The following KATNAL2 variants were observed in gnomAD, a reference collection of about 807,000 sequenced individuals.
KATNAL2 encodes the protein katanin catalytic subunit A1 like 2.
KATNAL2 carries 52 observed loss-of-function variants against 76.3 expected under a neutral mutation model. The observed-to-expected ratio is 0.68, with a 90% CI of 0.55 to 0.86. The LOEUF is 0.86. KATNAL2 is among the 40% of genes least tolerant of loss of function. The pLI is 0.00. For missense variants in KATNAL2, 660 were observed against 668.9 expected (o/e 0.99, Z 0.15); for synonymous variants, 243 against 244.2 (o/e 1.00, Z 0.05).
At chr18:47,057,819 CTGTTTCTTAGTTTGAA>C (rs2061513562) in intron 6 of KATNAL2, among the ~76,000 whole-genome samples, 1 of 152,206 alleles carries the variant, frequency 6.6e-6, no homozygotes, top group Non-Finnish European at 1.5e-5. Flanking sequence ...GGATTTCCTA[CTGTTTCTTAGTTTGAA>C]TGGGAGGACT....
At chr18:47,035,543 A>T in intron 3 of KATNAL2, 1 of 654,182 alleles carries the variant, frequency 1.5e-6, no homozygotes, top group East Asian at 2.9e-5. Flanking sequence ...TGCAACAAAG[A>T]ATGAAGCTCT....
At chr18:47,059,371 C>G (rs888773243) in intron 7 of KATNAL2, among the ~76,000 whole-genome samples, 185 bp from the exon 8 acceptor site, 3 of 152,248 alleles carry the variant, frequency 2.0e-5, no homozygotes, top group African/African-American at 7.2e-5. Flanking sequence ...ACTCTTTCCA[C>G]ATAGTGCAGG....
chr18:47,095,187 A>C (rs1339179658), intron 15 of KATNAL2, among the ~76,000 whole-genome samples: 1 of 152,128 alleles, frequency 6.6e-6, no homozygotes, highest in East Asian at 1.9e-4. Flanking sequence ...AAACTCTTTC[A>C]GTGGTGTTTA....
At chr18:47,033,630 G>T (rs2060601557) in intron 3 of KATNAL2, 1 of 1,614,156 alleles carries the variant, frequency 6.2e-7, no homozygotes, top group Non-Finnish European at 8.5e-7. Flanking sequence ...CTCCCACGTC[G>T]CTGAGGGCGT....
At chr18:46,961,420 C>A (rs1052710394) in intron 3 of KATNAL2, among the ~76,000 whole-genome samples, 1 of 152,114 alleles carries the variant, frequency 6.6e-6, no homozygotes, top group African/African-American at 2.4e-5. Flanking sequence ...AGAGTGACAG[C>A]GATTCATGTA....
At chr18:47,067,403 G>A (rs1041639349) in intron 11 of KATNAL2, among the ~76,000 whole-genome samples, 1 of 152,080 alleles carries the variant, frequency 6.6e-6, no homozygotes, top group Non-Finnish European at 1.5e-5. Flanking sequence ...ATTCAAATTA[G>A]CCTGCTCCCT....
At chr18:47,070,380 C>A (rs548961777) in intron 13 of KATNAL2, among the ~76,000 whole-genome samples, 2 of 152,172 alleles carry the variant, frequency 1.3e-5, no homozygotes, top group Non-Finnish European at 2.9e-5. Context: ...GGATTACAGG[C>A]CACCACGCCA....
chr18:47,049,068 C>G (rs1446669117), intron 4 of KATNAL2, among the ~76,000 whole-genome samples: 1 of 152,064 alleles, frequency 6.6e-6, no homozygotes, highest in Non-Finnish European at 1.5e-5. Context: ...CGTGATCCAC[C>G]CGCCTCGGCC....
chr18:47,099,424 G>C lies in KATNAL2; in HGVS notation c.1374+19G>C. ...GAGCCAGGTCAGCTGCCCTGGAGAGGGGCACATGTAGGTCAAGGGCCCACC... is the reference window on the plus strand; with the variant it reads ...GAGCCAGGTCAGCTGCCCTGGAGAGCGGCACATGTAGGTCAAGGGCCCACC... On this transcript the variant is annotated intron_variant, in intron 16 of 17. Coordinates refer to ENST00000683218, the MANE Select transcript of KATNAL2 (RefSeq NM_001387690.1). The C allele has an allele frequency of 6.3e-7, 1 of 1,595,102 alleles. No homozygotes were observed. Among genetic ancestry groups the C allele is most frequent in the South Asian group, 1.1e-5 (1 of 88,974 alleles).
chr18:46,935,508 C>T lies in KATNAL2; in HGVS notation c.-509-10549C>T, dbSNP rs572084298. On this transcript the variant is annotated intron_variant, in intron 1 of 17. Coordinates refer to ENST00000683218, the MANE Select transcript of KATNAL2 (RefSeq NM_001387690.1). ...TGGACTATATTGTCCAGGCTGGACT[C>T]GAACTCCTGAGCTCAAGCAAGACTT... is the stretch of plus-strand genomic sequence containing the variant. 3.4e-3 allele frequency among the ~76,000 whole-genome samples: 521 copies of T among 152,218 alleles called. 1 individual carries two copies. Among genetic ancestry groups the T allele is most frequent in the Middle Eastern group, 0.01 (3 of 294 alleles).
intron 3 of KATNAL2, among the ~76,000 whole-genome samples, chr18:47,037,719 C>T (rs184598228): frequency 1.9e-3 from 293 of 152,272 alleles, no homozygotes; most frequent in African/African-American, 5.6e-3. Context: ...TTAAAACTCT[C>T]TTTTCCTGCT....
chr18:47,038,402 A>G (rs1216977853), intron 3 of KATNAL2, among the ~76,000 whole-genome samples: 2 of 152,226 alleles, frequency 1.3e-5, no homozygotes, highest in Non-Finnish European at 2.9e-5. Context: ...TAGGGTTGCT[A>G]TGAAACTCAC....
At chr18:47,034,267 G>A (rs777566839) in intron 3 of KATNAL2, 4 of 1,613,962 alleles carry the variant, frequency 2.5e-6, no homozygotes, top group East Asian at 2.2e-5. Flanking sequence ...CTCCTCGGGC[G>A]ACAGGCCGTG....
intron 1 of KATNAL2, among the ~76,000 whole-genome samples, chr18:46,935,838 C>T (rs1384106692): frequency 6.6e-6 from 1 of 152,068 alleles, no homozygotes; most frequent in East Asian, 1.9e-4. Flanking sequence ...ATCACTTGAA[C>T]CTGGGAGGCA....
chr18:47,031,640 T>C (rs1469634356), intron 3 of KATNAL2, among the ~76,000 whole-genome samples: 4 of 152,178 alleles, frequency 2.6e-5, no homozygotes, highest in African/African-American at 7.2e-5. Flanking sequence ...TCTTCAGAGC[T>C]AGAATGAGGA....
At chr18:47,041,951 T>C (rs1428478849) in intron 3 of KATNAL2, among the ~76,000 whole-genome samples, 1 of 152,244 alleles carries the variant, frequency 6.6e-6, no homozygotes, top group Non-Finnish European at 1.5e-5. Flanking sequence ...CATTCCTTGA[T>C]GATGTGATGT....
chr18:47,064,394 G>A (rs7237316), intron 10 of KATNAL2, among the ~76,000 whole-genome samples: 10,131 of 152,140 alleles, frequency 0.067, 764 homozygotes, highest in African/African-American at 0.18. Flanking sequence ...TAAGAAGCAG[G>A]GAGTGGTGGG....
intron 10 of KATNAL2, among the ~76,000 whole-genome samples, chr18:47,065,652 A>AAAAC (rs569920331): frequency 0.012 from 1,837 of 152,078 alleles, 21 homozygotes; most frequent in Non-Finnish European, 0.018. Flanking sequence ...CATCTCAGAA[A>AAAAC]AAACAAACAA....
At position 47,033,343 on chromosome 18, in the gene KATNAL2, A is replaced by T. The variant is rs759314866; in HGVS notation, c.52-13114A>T. 3.1e-6 allele frequency: 5 copies of T among 1,613,948 alleles called. No individual in the cohort carries two copies. In the East Asian group the frequency reaches 8.9e-5, roughly 29 times the overall value. ...CTTGGCCACAGATTTGAAACAGATC[A>T]TCTTTGCCTCTCTGCCGTTGGGGTT... On this transcript the variant is annotated intron_variant, in intron 3 of 17. Transcript: ENST00000683218.
Sources: allele counts gnomAD v4.1 joint callset (sites outside exome capture counted in the v4.1 genomes callset), GRCh38; gene constraint gnomAD v4.1.1; transcripts MANE v1.5; gene names NCBI Gene and HGNC (gene_info 2026-07-23, HGNC 2026-07-21).